The following PIGO variants were observed in gnomAD, a reference collection of about 807,000 sequenced individuals.
PIGO encodes phosphatidylinositol glycan anchor biosynthesis class O.
PIGO carries 66 observed loss-of-function variants against 86.9 expected under a neutral mutation model. The ratio of observed to expected loss-of-function variants is 0.76; its 90% CI spans 0.62 to 0.93. PIGO has a LOEUF of 0.93. Among genes scored for constraint, PIGO ranks in the 40% least tolerant of loss-of-function variants. The pLI is 0.00. For missense variants in PIGO, 1,202 were observed against 1,359.1 expected, an observed-to-expected ratio of 0.88 and a Z score of 1.82; for synonymous variants, 570 against 556.4, an observed-to-expected ratio of 1.02 and a Z score of -0.34.
Position 35,090,211 on chromosome 9 carries a change from G to A in PIGO, c.2924C>T (p.Pro975Leu). 1.2e-6 allele frequency: 2 copies of A among 1,614,172 alleles called. No individual in the cohort carries two copies. Among genetic ancestry groups the A allele is most frequent in the Admixed American group, 1.7e-5 (1 of 60,034 alleles). The change falls in exon 9 of 11, where the codon CCC becomes CTC. Residue 975 changes from proline to leucine, a missense_variant. Pro to Leu is a moderately conservative substitution (Grantham distance 98). Coordinates refer to ENST00000378617, the MANE Select transcript of PIGO (RefSeq NM_032634.4). ...ESQGLRKRQQ[P>L]PGNEADARVR... ...TCTGGCATCAGCTTCATTCCCTGGG[G>A]GCTGCTGTCTCTTCCGCAGCCCTTG...
Position 35,089,310 on chromosome 9 carries a change from T to C in PIGO, c.3140+70A>G, listed in dbSNP as rs867794784. 201 of 1,613,576 alleles carry C rather than the reference T, an allele frequency of 1.2e-4. 1 individual carries two copies. In the Middle Eastern group the frequency reaches 4.8e-3, roughly 38 times the overall value. On this transcript the variant is annotated intron_variant, in intron 10 of 10. Transcript: ENST00000378617. ...CAAAACCTTGGCCATCCTGGATGTT[T>C]AGGATCTTCATACTTTGTTCCAAGT...
chr9:35,090,380 A>G (rs1362224190), intron 8 of PIGO, 86 bp downstream of exon 8: 2 of 1,550,070 alleles, frequency 1.3e-6, no homozygotes, highest in South Asian at 1.2e-5. Context: ...CAACAAACCC[A>G]TATCTCTCCA....
chr9:35,095,245 C>T lies in PIGO; in HGVS notation c.321G>A (p.Leu107=). 2 of 1,614,150 alleles carry T rather than the reference C, an allele frequency of 1.2e-6. No homozygotes were observed. Residue 107 remains leucine, a synonymous_variant, in exon 2 of 11, where the codon TTG becomes TTA. Coordinates refer to ENST00000378617, the MANE Select transcript of PIGO (RefSeq NM_032634.4). ...SLPFLGKLSS[L]QRILEIQPHH... is the part of the protein sequence containing the mutation. ...GGGGCTGAATCTCCAGGATCCTCTG[C>T]AAGGAGCTTAGTTTGCCCAGGAAGG...
At chr9:35,092,959 A>G (rs1829502351) in intron 6 of PIGO, 71 bp downstream of exon 6, 2 of 1,514,052 alleles carry the variant, frequency 1.3e-6, no homozygotes, top group Admixed American at 2.0e-5. Context: ...AAAGGACAAA[A>G]GAGTGGTTCA....
chr9:35,095,466 C>T lies in PIGO; in HGVS notation c.100G>A (p.Glu34Lys). The T allele has an allele frequency of 6.2e-7, 1 of 1,613,666 alleles. No individual in the cohort carries two copies. Among genetic ancestry groups the T allele is most frequent in the Non-Finnish European group, 8.5e-7 (1 of 1,179,870 alleles). Residue 34 changes from glutamate to lysine, a missense_variant, in exon 2 of 11, where the codon GAG becomes AAG. By Grantham distance (56) the Glu-to-Lys change is moderately conservative (BLOSUM62 1). Transcript: ENST00000378617. ...TGGCAGCTGCTATGGTTGGTGAGCT[C>T]CAAACGGGTGAGCAGGAAGCCACTG... Reference protein sequence around the residue: ...FTSGFLLTRLELTNHSSCQEP... With the variant: ...FTSGFLLTRLKLTNHSSCQEP...
Position 35,089,461 on chromosome 9 carries a change from AGAGGAGGG to A in PIGO, c.3070-19_3070-12del. 6.2e-7 allele frequency: 1 copy of A among 1,614,158 alleles called. No individual in the cohort carries two copies. Among genetic ancestry groups the A allele is most frequent in the Non-Finnish European group, 8.5e-7 (1 of 1,180,026 alleles). ...GGCACAGGCCAGAATCTAGAGGAGG[AGAGGAGGG>A]GCCACGTTACTTGTGAAGGAGAGGA... On this transcript the variant is annotated splice_polypyrimidine_tract_variant and intron_variant, in intron 9 of 10. Transcript: ENST00000378617.
rs1564003459 is a variant in PIGO, at chr9:35,096,219, GGGGAATCCGGGCCCAGCCGAC to G, written c.-87_-67del. 1 of 152,368 alleles carries G rather than the reference GGGGAATCCGGGCCCAGCCGAC, an allele frequency of 6.6e-6. No individual in the cohort carries two copies. Among genetic ancestry groups the G allele is most frequent in the East Asian group, 1.9e-4 (1 of 5,178 alleles). 9.4% of individuals were successfully genotyped at this position (152,368 alleles called of 1,614,324 possible). A position where few individuals can be genotyped will look rare whatever the true frequency, so the allele number is the denominator to read the frequency against. ...CCAGTGGAAAGGGATCGAAGCCGCAGGGGAATCCGGGCCCAGCCGACGGCGCCGCCTGGCGGGCACCGAGGG... is the reference window on the plus strand; with the variant it reads ...CCAGTGGAAAGGGATCGAAGCCGCAGGGCGCCGCCTGGCGGGCACCGAGGG... On this transcript the variant is annotated 5_prime_UTR_variant, in exon 1 of 11. Transcript: ENST00000378617.
chr9:35,091,163 C>T, intron 7 of PIGO, 77 bp downstream of exon 7: 7 of 1,443,120 alleles, frequency 4.9e-6, no homozygotes, highest in Non-Finnish European at 6.5e-6. Flanking sequence ...ACATGAGGAG[C>T]AACACCTCCT....
In PIGO at chr9:35,092,350, G is replaced by A; in HGVS notation, c.1537C>T (p.Leu513=). The A allele has an allele frequency of 1.2e-6, 2 of 1,614,238 alleles. No homozygotes were observed. Among genetic ancestry groups the A allele is most frequent in the South Asian group, 2.2e-5 (2 of 91,090 alleles). ...TIELKLDLVL[L]GAVAAVSSFL... ...GAGCTCACTGCAGCCACAGCCCCTAGAAGCACTAGATCTAGCTTCAGCTCA... is the reference window on the plus strand; with the variant it reads ...GAGCTCACTGCAGCCACAGCCCCTAAAAGCACTAGATCTAGCTTCAGCTCA... Residue 513 remains leucine (L), a synonymous_variant, in exon 7 of 11, where the codon CTA becomes TTA. Transcript: ENST00000378617.
rs1215068157 is a variant in PIGO at position 35,094,220 on chromosome 9, G to T, written c.651C>A (p.Pro217=). The part of the protein sequence containing the change: ...VDNGILEHLY[P]TMDSGEWDVL... ...GTGCTCTGGCCCCATGCTCACTGGTGGGGTAGAGGTGTTCCAGGATGCCAT... is the reference window on the plus strand; with the variant it reads ...GTGCTCTGGCCCCATGCTCACTGGTTGGGTAGAGGTGTTCCAGGATGCCAT... Residue 217 remains proline, a synonymous_variant, in exon 3 of 11, where the codon CCC becomes CCA. Transcript: ENST00000378617. 2 of 1,590,738 alleles carry T rather than the reference G, an allele frequency of 1.3e-6. No individual in the cohort carries two copies. The highest frequency in any genetic ancestry group is 1.4e-5 in the African/African-American group (1 of 73,014).
intron 9 of PIGO, 152 bp from the exon 10 acceptor site, chr9:35,089,602 G>A: frequency 6.8e-7 from 1 of 1,471,628 alleles, no homozygotes; most frequent in Non-Finnish European, 9.0e-7. Flanking sequence ...TAGGAGTTAG[G>A]AGACCTACTT....
At chr9:35,095,799 A>G (rs1829646148) in intron 1 of PIGO, 1 of 482,182 alleles carries the variant, frequency 2.1e-6, no homozygotes. Flanking sequence ...GGATCACCTG[A>G]GGTGAGGAGT....
intron 7 of PIGO, chr9:35,090,959 G>A (rs1829389793): frequency 3.5e-6 from 2 of 563,590 alleles, no homozygotes; most frequent in South Asian, 4.8e-5. Context: ...TCCATCACTG[G>A]AAAATCAAGA....
chr9:35,089,457 G>A lies in PIGO; in HGVS notation c.3070-7C>T. 1 of 1,614,176 alleles carries A rather than the reference G, an allele frequency of 6.2e-7. No homozygotes were observed. Among genetic ancestry groups the A allele is most frequent in the South Asian group, 1.1e-5 (1 of 91,086 alleles). On this transcript the variant is annotated splice_region_variant and splice_polypyrimidine_tract_variant and intron_variant, in intron 9 of 10. Transcript: ENST00000378617. Reference sequence around the variant, plus strand: ...CCAAGGCACAGGCCAGAATCTAGAGGAGGAGAGGAGGGGCCACGTTACTTG... The same window carrying A: ...CCAAGGCACAGGCCAGAATCTAGAGAAGGAGAGGAGGGGCCACGTTACTTG...
At chr9:35,091,064 A>C (rs1829393919) in intron 7 of PIGO, 176 bp downstream of exon 7, 2 of 706,894 alleles carry the variant, frequency 2.8e-6, no homozygotes, top group African/African-American at 3.6e-5. Context: ...AGGAGGGATC[A>C]ATTTGCTTGG....
Position 35,092,599 on chromosome 9 carries a change from G to C in PIGO, c.1288C>G (p.Gln430Glu), listed in dbSNP as rs375108991. ...TLPTVIAELQ[Q>E]FLRGARAMCI... Reference sequence around the variant, plus strand: ...ATGGCCCGAGCTCCCCGCAGGAACTGCTGCAGCTCAGCAATCACAGTCGGC... The same window carrying C: ...ATGGCCCGAGCTCCCCGCAGGAACTCCTGCAGCTCAGCAATCACAGTCGGC... Residue 430 changes from glutamine (Q) to glutamate (E), a missense_variant, in exon 7 of 11, where the codon CAG becomes GAG. Physicochemically the swap from Gln to Glu is conservative, Grantham distance 29. Transcript: ENST00000378617. 5.8e-5 allele frequency: 94 copies of C among 1,614,142 alleles called. No individual in the cohort carries two copies. The highest frequency in any genetic ancestry group is 1.6e-4 in the Middle Eastern group (1 of 6,084).
Position 35,093,191 on chromosome 9 carries a change from G to A in PIGO, c.958C>T (p.Gln320Ter), listed in dbSNP as rs868329812. ...TPPEEPEVIPQVSLVPTLALL... is the reference protein window; with the variant it reads ...TPPEEPEVIP ...GCCAGCGTGGGCACAAGGCTAACTT[G>A]AGGAATCACCTCTGGCTCCTAAAGG... Residue 320 changes from glutamine (Q) to a stop codon, truncating the protein, a stop_gained, in exon 6 of 11, where the codon CAA becomes TAA. Transcript: ENST00000378617. LOFTEE classifies it high-confidence loss of function. 1 of 1,612,836 alleles carries A rather than the reference G, an allele frequency of 6.2e-7. No individual in the cohort carries two copies. The highest frequency in any genetic ancestry group is 8.5e-7 in the Non-Finnish European group (1 of 1,178,954).
In PIGO at chr9:35,092,752, G is replaced by C. The variant is rs771838559; in HGVS notation, c.1135C>G (p.His379Asp). 3.7e-6 allele frequency: 6 copies of C among 1,606,298 alleles called. No individual in the cohort carries two copies. Among genetic ancestry groups the C allele is most frequent in the Non-Finnish European group, 5.1e-6 (6 of 1,177,578 alleles). ...TCCTGAGTAGCAGCTGAGTAGGTAT[G>C]AAGAAATCGGGACACCTGGCAGAGA... The part of the protein sequence containing the change: ...LNAQQVSRFL[H>D]TYSAATQDLQ... The change falls in exon 7 of 11, where the codon CAT (histidine) becomes GAT (aspartate). Residue 379 changes from histidine (H) to aspartate (D), a missense_variant. His to Asp is a moderately conservative substitution (Grantham distance 81). Transcript: ENST00000378617.
rs1320881932 is a variant in PIGO, at chr9:35,095,311, G to A, written c.255C>T (p.Pro85=). The A allele has an allele frequency of 1.2e-6, 2 of 1,614,070 alleles. No homozygotes were observed. Among genetic ancestry groups the A allele is most frequent in the South Asian group, 1.1e-5 (1 of 91,088 alleles). The part of the protein sequence containing the change: ...IDALRFDFAQ[P]QHSHVPREPP... ...GCTCTCTAGGCACGTGTGAATGCTGGGGCTGGGCGAAGTCAAATCGCAGAG... is the reference window on the plus strand; with the variant it reads ...GCTCTCTAGGCACGTGTGAATGCTGAGGCTGGGCGAAGTCAAATCGCAGAG... The change falls in exon 2 of 11, where the codon CCC becomes CCT. Residue 85 remains proline, a synonymous_variant. Coordinates refer to ENST00000378617, the MANE Select transcript of PIGO (RefSeq NM_032634.4).
Sources: gnomAD v4.1 joint callset for allele counts on GRCh38, gnomAD v4.1.1 for gene constraint, MANE v1.5 for transcripts, NCBI Gene and HGNC (gene_info 2026-07-23, HGNC 2026-07-21) for gene names.